CACNA1F: variants seen among roughly 807,000 people sequenced by gnomAD.
The protein encoded by CACNA1F is voltage-dependent L-type calcium channel subunit alpha-1F.
CACNA1F carries 59 observed loss-of-function variants against 143.8 expected under a neutral mutation model. The ratio of observed to expected loss-of-function variants is 0.41; its 90% CI spans 0.33 to 0.51. The LOEUF is 0.51. Among genes scored for constraint, CACNA1F ranks in the 20% least tolerant of loss-of-function variants. The pLI, the probability that CACNA1F is intolerant of heterozygous loss-of-function variation, is 0.22. For missense variants in CACNA1F, 1,411 were observed against 1,647.5 expected (o/e 0.86, Z 2.48); for synonymous variants, 643 against 649.1 (o/e 0.99, Z 0.14).
chrX:49,212,880 C>G (rs1017018633), intron 32 of CACNA1F, 85 bp from the exon 33 acceptor site: 1 of 1,168,581 alleles, frequency 8.6e-7, no homozygotes, highest in Non-Finnish European at 1.2e-6. Context: ...TCCCAGTACC[C>G]AAATCACTCA....
intron 6 of CACNA1F, 39 bp from the exon 7 acceptor site, chrX:49,228,486 C>T (rs781831215): frequency 1.8e-6 from 2 of 1,083,460 alleles, no homozygotes; most frequent in African/African-American, 1.8e-5. Context: ...GAAGCAGGCC[C>T]ACTCTCAGTC....
At chrX:49,229,111 T>C (rs1557110729) in intron 6 of CACNA1F, among the ~76,000 whole-genome samples, 1 of 112,314 alleles carries the variant, frequency 8.9e-6, no homozygotes, top group East Asian at 2.8e-4. Context: ...TCTGAGTGTA[T>C]GAGAACAGTC....
At chrX:49,221,277 T>TC (rs1250984353) in intron 17 of CACNA1F, among the ~76,000 whole-genome samples, 197 bp from the exon 18 acceptor site, 1 of 111,495 alleles carries the variant, frequency 9.0e-6, no homozygotes, top group African/African-American at 3.3e-5. Flanking sequence ...CCCACAACCC[T>TC]CCCACGTCTC....
At chrX:49,230,825 T>C in intron 4 of CACNA1F, 25 bp downstream of exon 4, 1 of 1,167,377 alleles carries the variant, frequency 8.6e-7, no homozygotes, top group Non-Finnish European at 1.1e-6. Flanking sequence ...GCGACTAGGG[T>C]GGGGTGCCTC....
Position 49,223,104 on chromosome X carries a change from G to T in CACNA1F, c.1910C>A (p.Ser637Tyr), listed in dbSNP as rs1391071589. The T allele has an allele frequency of 8.3e-7, 1 of 1,200,625 alleles. No homozygotes were observed. The highest frequency in any genetic ancestry group is 1.1e-6 in the Non-Finnish European group (1 of 888,702). ...GATGGATTTCATTGAATTGAGCAGG[G>T]ATGCCACCAGATTGCTCAGAGAAGC... ...HWASLSNLVA[S>Y]LLNSMKSIAS... Residue 637 changes from serine (S) to tyrosine (Y), a missense_variant, in exon 15 of 48, where the codon TCC (serine) becomes TAC (tyrosine). This residue lies in a region of CACNA1F where 950 missense variants were observed against 1,128.1 expected (regional missense o/e 0.84). Coordinates refer to ENST00000323022, the MANE Select transcript of CACNA1F (RefSeq NM_001256789.3).
rs1472207429 is a variant in CACNA1F at position 49,219,023 on chromosome X, A to C, written c.2674-82T>G. On this transcript the variant is annotated intron_variant, in intron 21 of 47. Transcript: ENST00000323022. ...TGACTTCTCAAAAGGCTTGGCCATCAGAAAGATTAGGGTTCAAATTTGGAC... is the reference window on the plus strand; with the variant it reads ...TGACTTCTCAAAAGGCTTGGCCATCCGAAAGATTAGGGTTCAAATTTGGAC... 11 of 881,096 alleles carry C rather than the reference A, an allele frequency of 1.2e-5. No individual in the cohort carries two copies. The Admixed American group carries it at 1.9e-4, about 16-fold the overall frequency. The allele number at this position is 881,096 out of a possible 1,213,427, so 72.6% of individuals were successfully genotyped here.
Position 49,217,971 on chromosome X carries a change from G to A in CACNA1F, c.2963C>T (p.Thr988Ile), listed in dbSNP as rs1274625301. The A allele has an allele frequency of 8.3e-7, 1 of 1,208,499 alleles. No individual in the cohort carries two copies. The highest frequency in any genetic ancestry group is 2.2e-5 in the Admixed American group (1 of 45,709). The change falls in exon 25 of 48, where the codon ACC becomes ATC. Residue 988 changes from threonine to isoleucine, a missense_variant. By Grantham distance (89) the Thr-to-Ile change is moderately conservative. Transcript: ENST00000323022. Reference sequence around the variant, plus strand: ...GGTGACAATCATGATGTTTCCGATGGTCCGGATGGCCACAAATACACACTG... The same window carrying A: ...GGTGACAATCATGATGTTTCCGATGATCCGGATGGCCACAAATACACACTG... ...VVQCVFVAIRTIGNIMIVTTL... is the reference protein window; with the variant it reads ...VVQCVFVAIRIIGNIMIVTTL...
Position 49,210,397 on chromosome X carries a change from C to T in CACNA1F, c.4492G>A (p.Val1498Met). The change falls in exon 39 of 48, where the codon GTG becomes ATG. Residue 1498 changes from valine (V) to methionine (M), a missense_variant. This residue lies in a region of CACNA1F where 112 missense variants were observed against 169.2 expected (regional missense o/e 0.66). Coordinates refer to ENST00000323022, the MANE Select transcript of CACNA1F (RefSeq NM_001256789.3). Reference protein sequence around the residue: ...CPHRVACKRLVAMNMPLNSDG... With the variant: ...CPHRVACKRLMAMNMPLNSDG... Reference sequence around the variant, plus strand: ...GAGTTGAGGGGCATGTTCATTGCCACAAGTCTCTGCAAACACGAGAGACAT... The same window carrying T: ...GAGTTGAGGGGCATGTTCATTGCCATAAGTCTCTGCAAACACGAGAGACAT... 1 of 1,190,423 alleles carries T rather than the reference C, an allele frequency of 8.4e-7. No homozygotes were observed. The highest frequency in any genetic ancestry group is 1.1e-6 in the Non-Finnish European group (1 of 875,940).
At chrX:49,216,836 C>T (rs782020840) in intron 26 of CACNA1F, among the ~76,000 whole-genome samples, 5 of 112,117 alleles carry the variant, frequency 4.5e-5, no homozygotes, top group Non-Finnish European at 9.4e-5. Flanking sequence ...TTCATCATCA[C>T]CATTATCATC....
chrX:49,224,714 T>G, intron 14 of CACNA1F, 47 bp downstream of exon 14: 1 of 828,122 alleles, frequency 1.2e-6, no homozygotes, highest in Non-Finnish European at 1.8e-6. Flanking sequence ...GTGGGGGTGT[T>G]GAGGCTGTGT....
Position 49,226,673 on chromosome X carries a change from T to C in CACNA1F, c.1306A>G (p.Arg436Gly). The C allele has an allele frequency of 8.5e-7, 1 of 1,181,633 alleles. No homozygotes were observed. Among genetic ancestry groups the C allele is most frequent in the South Asian group, 1.9e-5 (1 of 53,373 alleles). Residue 436 changes from arginine to glycine, a missense_variant, in exon 10 of 48, where the codon AGG (arginine) becomes GGG (glycine). Physicochemically the swap from Arg to Gly is moderately radical, Grantham distance 125. Transcript: ENST00000323022. ...GPQLAELTNR[R>G]RGRLRWFSHS... ...CTGAACCAGCGCAGACGTCCACGCCTCCTATTGGTCAGCTCGGCCAGCTGT... is the reference window on the plus strand; with the variant it reads ...CTGAACCAGCGCAGACGTCCACGCCCCCTATTGGTCAGCTCGGCCAGCTGT...
intron 14 of CACNA1F, 59 bp from the exon 15 acceptor site, chrX:49,223,195 C>T: frequency 1.3e-6 from 1 of 796,299 alleles, no homozygotes. Flanking sequence ...ATGGCTGGAG[C>T]ATCAGGAGCC....
chrX:49,222,874 C>G, intron 15 of CACNA1F, 36 bp from the exon 16 acceptor site: 1 of 1,210,938 alleles, frequency 8.3e-7, no homozygotes, highest in Non-Finnish European at 1.1e-6. Context: ...CTCTTGGACC[C>G]CCTCCAACTC....
At position 49,217,742 on chromosome X, in the gene CACNA1F, C is replaced by G. The variant is rs1557107757; in HGVS notation, c.3089+13G>C. 1 of 1,201,847 alleles carries G rather than the reference C, an allele frequency of 8.3e-7. No homozygotes were observed. The highest frequency in any genetic ancestry group is 1.8e-5 in the African/African-American group (1 of 56,507). On this transcript the variant is annotated intron_variant, in intron 26 of 47. Coordinates refer to ENST00000323022, the MANE Select transcript of CACNA1F (RefSeq NM_001256789.3). ...TCCTGAGCTCCGTGGACGGCAGGGTCTTGGGCACTCACTTGCATTCTTGAG... is the reference window on the plus strand; with the variant it reads ...TCCTGAGCTCCGTGGACGGCAGGGTGTTGGGCACTCACTTGCATTCTTGAG...
Position 49,219,765 on chromosome X carries a change from T to TCC in CACNA1F, c.2411_2412insGG (p.Glu806LysfsTer45). 3 of 1,109,218 alleles carry TCC rather than the reference T, an allele frequency of 2.7e-6. No homozygotes were observed. Among genetic ancestry groups the TCC allele is most frequent in the African/African-American group, 3.8e-5 (2 of 52,884 alleles). The allele number at this position is 1,109,218 out of a possible 1,213,427, so 91.4% of individuals were successfully genotyped here. On this transcript the variant is annotated frameshift_variant, in exon 20 of 48. Coordinates refer to ENST00000323022, the MANE Select transcript of CACNA1F (RefSeq NM_001256789.3). LOFTEE classifies it high-confidence loss of function. ...CCTCTTCTTCCTCTTCTTCCTCTTCTTCCTCCTCCTCCTCCTCCTCCATGT... is the reference window on the plus strand; with the variant it reads ...CCTCTTCTTCCTCTTCTTCCTCTTCTCCTCCTCCTCCTCCTCCTCCTCCATGT...
intron 8 of CACNA1F, 104 bp from the exon 9 acceptor site, chrX:49,227,231 G>T: frequency 3.1e-6 from 2 of 649,800 alleles, no homozygotes; most frequent in Non-Finnish European, 4.9e-6. Context: ...AATATGCCAA[G>T]CACATTCTAG....
chrX:49,228,310 C>T lies in CACNA1F; in HGVS notation c.955G>A (p.Ala319Thr), dbSNP rs146010954. The T allele has an allele frequency of 1.7e-5, 20 of 1,210,470 alleles. No individual in the cohort carries two copies. The highest frequency in any genetic ancestry group is 1.9e-5 in the Non-Finnish European group (17 of 894,996). The change falls in exon 7 of 48, where the codon GCC becomes ACC. Residue 319 changes from alanine to threonine, a missense_variant. This residue lies in a region of CACNA1F where 950 missense variants were observed against 1,128.1 expected (regional missense o/e 0.84). Coordinates refer to ENST00000323022, the MANE Select transcript of CACNA1F (RefSeq NM_001256789.3). ...GITNFDNFFF[A>T]MLTVFQCVTM... Reference sequence around the variant, plus strand: ...ACACACTGGAAGACTGTCAGCATGGCGAAGAAGAAGTTGTCAAAGTTGGTG... The same window carrying T: ...ACACACTGGAAGACTGTCAGCATGGTGAAGAAGAAGTTGTCAAAGTTGGTG...
rs902948579 is a variant in CACNA1F, at chrX:49,224,110, G to T, written c.1877+651C>A. On this transcript the variant is annotated intron_variant, in intron 14 of 47. Coordinates refer to ENST00000323022, the MANE Select transcript of CACNA1F (RefSeq NM_001256789.3). ...GACTGGGCCTGGTGTTGGGGATGGG[G>T]TTGTGATGTATTTGGGGTTGGAGAT... Among the ~76,000 whole-genome samples the T allele has an allele frequency of 5.4e-5, 6 of 111,096 alleles. No homozygotes were observed. In the Admixed American group the frequency reaches 5.8e-4, roughly 11 times the overall value.
Position 49,226,597 on chromosome X carries a change from G to T in CACNA1F, c.1369+13C>A. On this transcript the variant is annotated intron_variant, in intron 10 of 47. Transcript: ENST00000323022. ...GCCTACCCACCCCCACCCCAGCCTGGCTGGACCCCCACCATGGCTGCTGGT... is the reference window on the plus strand; with the variant it reads ...GCCTACCCACCCCCACCCCAGCCTGTCTGGACCCCCACCATGGCTGCTGGT... The T allele has an allele frequency of 8.5e-7, 1 of 1,172,399 alleles. No individual in the cohort carries two copies. The highest frequency in any genetic ancestry group is 1.1e-6 in the Non-Finnish European group (1 of 874,857).
Sources: allele counts gnomAD v4.1 joint callset (sites outside exome capture counted in the v4.1 genomes callset), GRCh38; gene constraint gnomAD v4.1.1; regional missense constraint gnomAD v4.1.1; transcripts MANE v1.5; gene names NCBI Gene and HGNC (gene_info 2026-07-23, HGNC 2026-07-21).